Variants in SOBP observed in about 807,000 individuals in gnomAD.
The protein encoded by SOBP is sine oculis-binding protein homolog.
In SOBP, 4 loss-of-function variants were observed where a neutral mutation model predicts 53.6. That is an observed-to-expected ratio of 0.07 (90% CI 0.04 to 0.17). SOBP has a LOEUF of 0.17. Ranked by LOEUF, SOBP falls within the 10% of genes least tolerant of loss-of-function variation. SOBP has a pLI of 1.00. For missense variants in SOBP, 1,088 were observed against 1,204.7 expected (o/e 0.90, Z 1.43); for synonymous variants, 584 against 522.6 (o/e 1.12, Z -1.60).
chr6:107,493,937 GT>G (rs1239236233), intron 1 of SOBP, among the ~76,000 whole-genome samples: 2 of 152,194 alleles, frequency 1.3e-5, no homozygotes, highest in Non-Finnish European at 2.9e-5. Flanking sequence ...CATGGCAGTT[GT>G]AACAAATTTA....
At position 107,635,316 on chromosome 6, in the gene SOBP, C is replaced by G. The variant is rs773306443; in HGVS notation, c.2472C>G (p.Thr824=). The change falls in exon 6 of 7, where the codon ACC becomes ACG. Residue 824 remains threonine, a synonymous_variant. Transcript: ENST00000317357. The surrounding 1 kb of genome is among the most constrained non-coding windows in gnomAD (Gnocchi z 4.5). ...HAYALRMLPK[T]GCVIQPVPKP... is the part of the protein sequence containing the mutation. The stretch of plus-strand genomic sequence containing the variant: ...ATGCTCTGCGGATGCTGCCCAAGAC[C>G]GGCTGCGTGATCCAGCCTGTGCCAA... The G allele has an allele frequency of 1.2e-6, 2 of 1,613,546 alleles. No homozygotes were observed. The highest frequency in any genetic ancestry group is 1.7e-5 in the Admixed American group (1 of 60,004).
chr6:107,587,274 A>C, intron 5 of SOBP, 99 bp downstream of exon 5: 2 of 953,272 alleles, frequency 2.1e-6, no homozygotes, highest in Non-Finnish European at 3.4e-6. Context: ...TTGATGAAAT[A>C]TTATAGTTTT....
rs1344254241 is a variant in SOBP at position 107,509,410 on chromosome 6, A to C, written c.421+2983A>C. Among the ~76,000 whole-genome samples the C allele has an allele frequency of 1.2e-4, 18 of 151,042 alleles. No individual in the cohort carries two copies. The East Asian group carries it at 1.4e-3, about 11-fold the overall frequency. ...ACTCCTGTCTCAAAAAAAAAAAAAA[A>C]CAAAACAAAAAAGAAAATGTGTGTA... is the stretch of plus-strand genomic sequence containing the variant. On this transcript the variant is annotated intron_variant, in intron 3 of 6. Coordinates refer to ENST00000317357, the MANE Select transcript of SOBP (RefSeq NM_018013.4).
At chr6:107,654,223 A>G (rs1266857310) in intron 6 of SOBP, among the ~76,000 whole-genome samples, 1 of 152,242 alleles carries the variant, frequency 6.6e-6, no homozygotes, top group Non-Finnish European at 1.5e-5. Flanking sequence ...GCGTGTGTGT[A>G]TGGTACATAC....
At chr6:107,587,303 G>A (rs2115060229) in intron 5 of SOBP, 128 bp downstream of exon 5, 1 of 757,858 alleles carries the variant, frequency 1.3e-6, no homozygotes, top group East Asian at 2.7e-5. Flanking sequence ...AGTTCTAAAT[G>A]CTAATTCTGA....
chr6:107,523,986 C>T (rs1022982008), intron 3 of SOBP, among the ~76,000 whole-genome samples: 4 of 152,228 alleles, frequency 2.6e-5, no homozygotes, highest in African/African-American at 4.8e-5. Flanking sequence ...CCTCTGTCTA[C>T]CTCTGGGGAG....
At chr6:107,622,095 C>G (rs1456095957) in intron 5 of SOBP, among the ~76,000 whole-genome samples, 3 of 151,986 alleles carry the variant, frequency 2.0e-5, no homozygotes, top group Non-Finnish European at 4.4e-5. Flanking sequence ...GTTACCTTAC[C>G]TTTGTAATAA....
At chr6:107,584,022 C>A (rs1014217084) in intron 4 of SOBP, among the ~76,000 whole-genome samples, 6 of 152,090 alleles carry the variant, frequency 3.9e-5, no homozygotes, top group Non-Finnish European at 7.4e-5. Flanking sequence ...TGTATATCCC[C>A]CTCTCATAGC....
chr6:107,499,444 A>G (rs1374365902), intron 1 of SOBP, among the ~76,000 whole-genome samples: 2 of 152,242 alleles, frequency 1.3e-5, no homozygotes, highest in African/African-American at 2.4e-5. Context: ...TTATAATTAC[A>G]GTGACCTATT....
chr6:107,533,320 AG>A, intron 3 of SOBP, 138 bp from the exon 4 acceptor site: 1 of 515,508 alleles, frequency 1.9e-6, no homozygotes, highest in East Asian at 3.9e-5. Flanking sequence ...AGAGAGAGAG[AG>A]AGAAAGAAAA....
chr6:107,579,437 A>G (rs759534777), intron 4 of SOBP, among the ~76,000 whole-genome samples: 2 of 151,814 alleles, frequency 1.3e-5, no homozygotes, highest in Non-Finnish European at 3.0e-5. Context: ...TTTAAAAATA[A>G]AAAGTAAAAA....
chr6:107,623,547 C>A (rs1479864398), intron 5 of SOBP, among the ~76,000 whole-genome samples: 1 of 152,134 alleles, frequency 6.6e-6, no homozygotes, highest in East Asian at 1.9e-4. Context: ...AGGCAGAGAA[C>A]ATCTGCTATG....
At chr6:107,585,355 A>G (rs1440727282) in intron 4 of SOBP, among the ~76,000 whole-genome samples, 1 of 152,194 alleles carries the variant, frequency 6.6e-6, no homozygotes, top group Non-Finnish European at 1.5e-5. Flanking sequence ...CTACTTTCTT[A>G]CAACTGCCTT....
intron 4 of SOBP, among the ~76,000 whole-genome samples, chr6:107,548,752 C>G (rs933060918): frequency 2.0e-5 from 3 of 151,340 alleles, no homozygotes; most frequent in Non-Finnish European, 4.4e-5. Flanking sequence ...GCCTGGACAA[C>G]ATAGCAAGAC....
At chr6:107,545,363 C>T (rs1319907254) in intron 4 of SOBP, among the ~76,000 whole-genome samples, 1 of 152,158 alleles carries the variant, frequency 6.6e-6, no homozygotes, top group Admixed American at 6.5e-5. Flanking sequence ...ACACTCAGGT[C>T]CCTAGGCAAG....
At chr6:107,583,630 A>G (rs1209965717) in intron 4 of SOBP, among the ~76,000 whole-genome samples, 3 of 152,084 alleles carry the variant, frequency 2.0e-5, no homozygotes, top group East Asian at 1.9e-4. Flanking sequence ...GGCTCAAGCA[A>G]TCCTCCTGCC....
At chr6:107,549,200 G>A (rs993797806) in intron 4 of SOBP, among the ~76,000 whole-genome samples, 8 of 152,016 alleles carry the variant, frequency 5.3e-5, no homozygotes, top group African/African-American at 1.7e-4. Flanking sequence ...CCGGGAGGCG[G>A]AGCTTGCAGG....
At chr6:107,553,616 G>A (rs1031220169) in intron 4 of SOBP, among the ~76,000 whole-genome samples, 1 of 152,010 alleles carries the variant, frequency 6.6e-6, no homozygotes, top group African/African-American at 2.4e-5. Flanking sequence ...CTCCCAAGTA[G>A]CTGGGATTAT....
At chr6:107,534,910 A>G (rs577808919) in intron 4 of SOBP, among the ~76,000 whole-genome samples, 31 of 152,298 alleles carry the variant, frequency 2.0e-4, no homozygotes, top group Admixed American at 1.7e-3. Context: ...GGGGGATTAA[A>G]ATGATCTCTG....
Sources: gnomAD v4.1 joint callset for allele counts (sites outside exome capture counted in the v4.1 genomes callset) on GRCh38, gnomAD v4.1.1 for gene constraint, Gnocchi (gnomAD v3.1) non-coding constraint, MANE v1.5 for transcripts, NCBI Gene and HGNC (gene_info 2026-07-23, HGNC 2026-07-21) for gene names.